The following ARHGAP44 variants were observed in gnomAD, a reference collection of about 807,000 sequenced individuals.
ARHGAP44 encodes rho GTPase-activating protein 44.
ARHGAP44 carries 43 observed loss-of-function variants against 106.8 expected under a neutral mutation model. That is an observed-to-expected ratio of 0.40 (90% confidence interval 0.32 to 0.52). The LOEUF (loss-of-function observed/expected upper bound fraction) is 0.52, where lower values mean the gene tolerates loss of function less well. Among genes scored for constraint, ARHGAP44 ranks in the 20% least tolerant of loss-of-function variants. The pLI, the probability that ARHGAP44 is intolerant of heterozygous loss-of-function variation, is 0.48. For synonymous variants in ARHGAP44, 439 were observed against 410.3 expected, an observed-to-expected ratio of 1.07 and a Z score of -0.85; for missense variants, 866 against 1,050.5, an observed-to-expected ratio of 0.82 and a Z score of 2.43.
chr17:12,969,698 A>T (rs2143291869), intron 16 of ARHGAP44, among the ~76,000 whole-genome samples: 1 of 152,318 alleles, frequency 6.6e-6, no homozygotes, highest in Middle Eastern at 3.4e-3. Context: ...TGTCCACATC[A>T]TAAAACACCA....
At chr17:12,913,757 C>CA (rs1197321082) in intron 4 of ARHGAP44, among the ~76,000 whole-genome samples, 12 of 150,090 alleles carry the variant, frequency 8.0e-5, no homozygotes, top group East Asian at 2.0e-4. Flanking sequence ...TACCTGAGGT[C>CA]CAGAGTTCAA....
At chr17:12,886,932 G>A (rs1258788557) in intron 1 of ARHGAP44, among the ~76,000 whole-genome samples, 1 of 149,596 alleles carries the variant, frequency 6.7e-6, no homozygotes, top group Non-Finnish European at 1.5e-5. Context: ...ATGAAGTTGA[G>A]GAAGTTTCCC....
intron 3 of ARHGAP44, among the ~76,000 whole-genome samples, chr17:12,899,631 G>A (rs1440194805): frequency 6.6e-6 from 1 of 152,098 alleles, no homozygotes; most frequent in Non-Finnish European, 1.5e-5. Context: ...GAGGGAGGGA[G>A]TGAATGAACA....
At chr17:12,974,374 C>G in intron 18 of ARHGAP44, 64 bp downstream of exon 18, 5 of 1,274,456 alleles carry the variant, frequency 3.9e-6, no homozygotes, top group Non-Finnish European at 5.0e-6. Context: ...CTGGGTTGGC[C>G]GCACTGGAGG....
intron 1 of ARHGAP44, among the ~76,000 whole-genome samples, chr17:12,883,929 T>G (rs1221619155): frequency 6.6e-6 from 1 of 152,152 alleles, no homozygotes; most frequent in Non-Finnish European, 1.5e-5. Flanking sequence ...CTTCCCTGAG[T>G]TTCTGTCAGT....
Position 12,902,521 on chromosome 17 carries a change from A to G in ARHGAP44, c.198+6010A>G, listed in dbSNP as rs147154602. ...ATGGGAGCAGGGATCTTGTGTCCCC[A>G]TAAGCTCCGTTCTCCGTGCCTAAAA... On this transcript the variant is annotated intron_variant, in intron 3 of 20. Coordinates refer to ENST00000379672, the MANE Select transcript of ARHGAP44 (RefSeq NM_014859.6). Among the ~76,000 whole-genome samples, 44 of 152,282 alleles carry G rather than the reference A, an allele frequency of 2.9e-4. No homozygotes were observed. In the East Asian group the frequency reaches 8.3e-3, roughly 29 times the overall value.
chr17:12,871,060 C>T (rs1399475116), intron 1 of ARHGAP44, among the ~76,000 whole-genome samples: 2 of 151,922 alleles, frequency 1.3e-5, no homozygotes, highest in Non-Finnish European at 2.9e-5. Context: ...TTTCTTGTTT[C>T]GTAATCACAT....
chr17:12,890,817 G>A (rs1230529536), intron 1 of ARHGAP44, among the ~76,000 whole-genome samples: 1 of 151,982 alleles, frequency 6.6e-6, no homozygotes, highest in Admixed American at 6.6e-5. Context: ...GCATCTTACT[G>A]TATGCAGTTA....
intron 1 of ARHGAP44, among the ~76,000 whole-genome samples, chr17:12,861,273 A>G (rs2036064075): frequency 6.6e-6 from 1 of 152,180 alleles, no homozygotes; most frequent in African/African-American, 2.4e-5. Context: ...TACAGGCGTG[A>G]GCCACCGTGT....
chr17:12,951,588 T>G (rs2038992755), intron 12 of ARHGAP44, among the ~76,000 whole-genome samples: 1 of 152,222 alleles, frequency 6.6e-6, no homozygotes, highest in South Asian at 2.1e-4. Context: ...ATACTCCTGT[T>G]CCCACTTCAT....
chr17:12,850,228 G>A (rs62061563), intron 1 of ARHGAP44, among the ~76,000 whole-genome samples: 3,348 of 152,278 alleles, frequency 0.022, 43 homozygotes, highest in Middle Eastern at 0.031. Flanking sequence ...AGTTGCTCAG[G>A]ATTCAACCCA....
At chr17:12,892,654 CT>C (rs1234788304) in intron 1 of ARHGAP44, among the ~76,000 whole-genome samples, 1 of 152,116 alleles carries the variant, frequency 6.6e-6, no homozygotes, top group East Asian at 1.9e-4. Context: ...CCACAGGTCC[CT>C]GAGGGTTTTT....
chr17:12,911,962 G>A (rs189849995), intron 4 of ARHGAP44, among the ~76,000 whole-genome samples: 20 of 152,350 alleles, frequency 1.3e-4, no homozygotes, highest in African/African-American at 4.6e-4. Context: ...GCCTCAATAA[G>A]TGACGCAACC....
At chr17:12,832,656 G>A (rs1002695231) in intron 1 of ARHGAP44, among the ~76,000 whole-genome samples, 1 of 152,174 alleles carries the variant, frequency 6.6e-6, no homozygotes, top group African/African-American at 2.4e-5. Flanking sequence ...CCTATGCCCA[G>A]GAATGAACAA....
At chr17:12,948,338 A>G (rs1443630388) in intron 10 of ARHGAP44, among the ~76,000 whole-genome samples, 1 of 152,218 alleles carries the variant, frequency 6.6e-6, no homozygotes, top group Non-Finnish European at 1.5e-5. Context: ...CACCCCACCC[A>G]GTCTGCCCTT....
At chr17:12,856,367 A>G (rs997632921) in intron 1 of ARHGAP44, among the ~76,000 whole-genome samples, 1 of 152,176 alleles carries the variant, frequency 6.6e-6, no homozygotes, top group East Asian at 1.9e-4. Context: ...AGGGCAGATG[A>G]ATCTCAAGTC....
In ARHGAP44 at chr17:12,958,862, G is replaced by T. The variant is rs371189059; in HGVS notation, c.1488G>T (p.Thr496=). 15 of 1,611,088 alleles carry T rather than the reference G, an allele frequency of 9.3e-6. 2 individuals carry two copies. In the South Asian group the frequency reaches 1.5e-4, roughly 17 times the overall value. Residue 496 remains threonine, a synonymous_variant, in exon 16 of 21, where the codon ACG becomes ACT. Coordinates refer to ENST00000379672, the MANE Select transcript of ARHGAP44 (RefSeq NM_014859.6). This position sits in a 1 kb window ranked among gnomAD's most constrained non-coding sequence, Gnocchi z 4.1. ...CCCGCCGGCCCCTCAGCGTCGCCAC[G>T]GATAATATGATGCTGGAGTTTTACA... is the stretch of plus-strand genomic sequence containing the variant. The part of the protein sequence containing the change: ...EQARRPLSVA[T]DNMMLEFYKK...
chr17:12,977,558 C>T (rs1567720717), intron 18 of ARHGAP44, among the ~76,000 whole-genome samples: 1 of 152,166 alleles, frequency 6.6e-6, no homozygotes. Context: ...CTTCTTGGCA[C>T]CAAGGTCATG....
At chr17:12,837,712 C>G (rs1268593136) in intron 1 of ARHGAP44, among the ~76,000 whole-genome samples, 1 of 151,610 alleles carries the variant, frequency 6.6e-6, no homozygotes, top group Non-Finnish European at 1.5e-5. Flanking sequence ...CTGGGAGATA[C>G]ATGGAGAAGT....
Sources: gnomAD v4.1 joint callset for allele counts (sites outside exome capture counted in the v4.1 genomes callset) on GRCh38, gnomAD v4.1.1 for gene constraint, Gnocchi (gnomAD v3.1) non-coding constraint, MANE v1.5 for transcripts, NCBI Gene and HGNC (gene_info 2026-07-23, HGNC 2026-07-21) for gene names.